The following CTNNA3 variants were observed in gnomAD, a reference collection of about 807,000 sequenced individuals.
The protein encoded by CTNNA3 is catenin alpha-3.
Under a neutral mutation model 95.7 loss-of-function variants are expected in CTNNA3, and 76 were observed. The observed-to-expected ratio is 0.79, with a 90% CI of 0.66 to 0.96. The LOEUF is 0.96. Ranked by LOEUF, CTNNA3 falls within the 40% of genes least tolerant of loss-of-function variation. CTNNA3 has a pLI of 0.00. For missense variants in CTNNA3, 1,191 were observed against 1,089.8 expected (o/e 1.09, Z -1.31); for synonymous variants, 431 against 374.4 (o/e 1.15, Z -1.74).
chr10:67,420,207 G>GT (rs1268932644), intron 5 of CTNNA3, among the ~76,000 whole-genome samples: 2 of 152,104 alleles, frequency 1.3e-5, no homozygotes, highest in Non-Finnish European at 2.9e-5. Flanking sequence ...TATCTGTGTA[G>GT]TTTTTTATTT....
chr10:67,573,943 A>T (rs1842057670), intron 3 of CTNNA3, among the ~76,000 whole-genome samples: 1 of 152,338 alleles, frequency 6.6e-6, no homozygotes, highest in South Asian at 2.1e-4. Context: ...AAGATGTTAT[A>T]GTACCTTTAA....
At chr10:66,888,110 A>C (rs952510856) in intron 7 of CTNNA3, among the ~76,000 whole-genome samples, 4 of 152,122 alleles carry the variant, frequency 2.6e-5, no homozygotes, top group Admixed American at 6.6e-5. Flanking sequence ...GAAAGATGTG[A>C]CTATAGAAGA....
intron 1 of CTNNA3, among the ~76,000 whole-genome samples, chr10:67,706,227 G>A (rs141193735): frequency 2.0e-5 from 3 of 151,984 alleles, no homozygotes; most frequent in Non-Finnish European, 4.4e-5. Context: ...TTAACTGTCT[G>A]TCATCTCTCA....
At chr10:66,595,722 A>T (rs1843692436) in intron 10 of CTNNA3, among the ~76,000 whole-genome samples, 1 of 152,062 alleles carries the variant, frequency 6.6e-6, no homozygotes, top group South Asian at 2.1e-4. Context: ...CTGCAGCCTC[A>T]AACTCCTGGG....
intron 5 of CTNNA3, among the ~76,000 whole-genome samples, chr10:67,268,402 G>A (rs1866920928): frequency 6.6e-6 from 1 of 151,574 alleles, no homozygotes; most frequent in African/African-American, 2.4e-5. Flanking sequence ...CATGCCTGTA[G>A]TGCCAGCTAC....
intron 7 of CTNNA3, among the ~76,000 whole-genome samples, chr10:66,884,164 T>C (rs1355880261): frequency 6.6e-6 from 1 of 152,130 alleles, no homozygotes; most frequent in Non-Finnish European, 1.5e-5. Flanking sequence ...TCATGAGAGA[T>C]CTGCCTCCAT....
intron 12 of CTNNA3, among the ~76,000 whole-genome samples, chr10:66,358,371 G>T (rs1217799363): frequency 1.3e-5 from 2 of 152,188 alleles, no homozygotes; most frequent in Admixed American, 6.5e-5. Context: ...GGGAGTCCAG[G>T]GAACATATTA....
rs555153216 is a variant in CTNNA3, at chr10:67,375,602, CA to C, written c.579+146239del. ...TGGGCAATAGAGCAAGACTCTGTCTCAAAAAAAAAACAAAAACCTGCAATGC... is the reference window on the plus strand; with the variant it reads ...TGGGCAATAGAGCAAGACTCTGTCTCAAAAAAAAACAAAAACCTGCAATGC... On this transcript the variant is annotated intron_variant, in intron 5 of 17. Transcript: ENST00000433211. 5.7e-5 allele frequency among the ~76,000 whole-genome samples: 8 copies of C among 141,480 alleles called. No individual in the cohort carries two copies. The East Asian group carries it at 1.2e-3, about 22-fold the overall frequency. The allele number at this position is 141,480 out of a possible 152,430, so 92.8% of individuals were successfully genotyped here. A position where few individuals can be genotyped will look rare whatever the true frequency, so the allele number is the denominator to read the frequency against.
intron 7 of CTNNA3, among the ~76,000 whole-genome samples, chr10:66,998,436 A>G (rs1340633887): frequency 2.6e-5 from 4 of 152,192 alleles, no homozygotes; most frequent in African/African-American, 9.6e-5. Flanking sequence ...CCCAATAAAT[A>G]CAAAGGGACT....
At chr10:67,187,436 T>A (rs1359249814) in intron 6 of CTNNA3, among the ~76,000 whole-genome samples, 2 of 152,166 alleles carry the variant, frequency 1.3e-5, no homozygotes, top group African/African-American at 2.4e-5. Flanking sequence ...GGCAAACTTC[T>A]TCATTCACCT....
chr10:66,457,927 A>G (rs1911322), intron 11 of CTNNA3, among the ~76,000 whole-genome samples: 30,380 of 152,068 alleles, frequency 0.2, 3,338 homozygotes, highest in Middle Eastern at 0.3. Flanking sequence ...GTCTCATGGC[A>G]GCCTCCTTGG....
At chr10:67,655,716 A>G (rs1840002325) in intron 1 of CTNNA3, among the ~76,000 whole-genome samples, 1 of 151,648 alleles carries the variant, frequency 6.6e-6, no homozygotes, top group African/African-American at 2.4e-5. Flanking sequence ...AATTGCTGGA[A>G]CCTAGGAGGC....
At chr10:67,395,737 C>T (rs1844684530) in intron 5 of CTNNA3, among the ~76,000 whole-genome samples, 1 of 152,164 alleles carries the variant, frequency 6.6e-6, no homozygotes, top group Admixed American at 6.6e-5. Flanking sequence ...GATGACATTA[C>T]ATAACAACAA....
At chr10:66,461,843 C>T (rs548583180) in intron 11 of CTNNA3, among the ~76,000 whole-genome samples, 157 of 146,248 alleles carry the variant, frequency 1.1e-3, no homozygotes, top group Middle Eastern at 3.5e-3. Context: ...GATGGAGTCT[C>T]CTTCTGTCAC....
intron 11 of CTNNA3, among the ~76,000 whole-genome samples, chr10:66,471,208 A>C (rs1839117761): frequency 1.3e-5 from 2 of 151,886 alleles, no homozygotes; most frequent in Non-Finnish European, 2.9e-5. Context: ...AATGCTTCTA[A>C]TAATTTGACA....
At chr10:67,479,681 G>C (rs1313294999) in intron 5 of CTNNA3, among the ~76,000 whole-genome samples, 1 of 151,978 alleles carries the variant, frequency 6.6e-6, no homozygotes, top group Non-Finnish European at 1.5e-5. Flanking sequence ...AGAGGAACTG[G>C]AAAAACAGGA....
intron 5 of CTNNA3, among the ~76,000 whole-genome samples, chr10:67,344,067 T>TC (rs1161245442): frequency 9.2e-5 from 14 of 151,726 alleles, no homozygotes; most frequent in Non-Finnish European, 1.9e-4. Context: ...TGAAATGCTT[T>TC]TTCAGCATCA....
chr10:66,489,221 A>G lies in CTNNA3; in HGVS notation c.1531+31396T>C, dbSNP rs190668024. ...AATTTTACTCAGAAGCTATTAACCT[A>G]GCTTTATAAACAATCAATGGGACAG... On this transcript the variant is annotated intron_variant, in intron 11 of 17. Coordinates refer to ENST00000433211, the MANE Select transcript of CTNNA3 (RefSeq NM_013266.4). Among the ~76,000 whole-genome samples, 26 of 152,314 alleles carry G rather than the reference A, an allele frequency of 1.7e-4. No individual in the cohort carries two copies. The East Asian group carries it at 5.0e-3, about 29-fold the overall frequency.
intron 4 of CTNNA3, 42 bp downstream of exon 4, chr10:67,539,461 G>T: frequency 1.2e-6 from 2 of 1,603,102 alleles, no homozygotes; most frequent in African/African-American, 2.7e-5. Flanking sequence ...GAAATTAGAA[G>T]TGAAGACAAT....
Sources: gnomAD v4.1 joint callset for allele counts (sites outside exome capture counted in the v4.1 genomes callset) on GRCh38, gnomAD v4.1.1 for gene constraint, MANE v1.5 for transcripts, NCBI Gene and HGNC (gene_info 2026-07-23, HGNC 2026-07-21) for gene names.